The following NAF1 variants were observed in gnomAD, a reference collection of about 807,000 sequenced individuals.
NAF1 encodes H/ACA ribonucleoprotein complex non-core subunit NAF1.
In NAF1, 11 loss-of-function variants were observed where a neutral mutation model predicts 40.6. The observed-to-expected ratio is 0.27, with a 90% CI of 0.17 to 0.45. The LOEUF is 0.45. NAF1 is among the 20% of genes least tolerant of loss of function. The pLI, the probability that NAF1 is intolerant of heterozygous loss-of-function variation, is 1.00. For synonymous variants in NAF1, 260 were observed against 228.5 expected (o/e 1.14, Z -1.24); for missense variants, 607 against 611.1 (o/e 0.99, Z 0.07).
downstream of NAF1, among the ~76,000 whole-genome samples, chr4:163,125,710 A>C (rs1560781400): frequency 6.6e-6 from 1 of 152,242 alleles, no homozygotes; most frequent in Admixed American, 6.5e-5. Context: ...ACTAAACACT[A>C]AACAACAGAT....
intron 2 of NAF1, among the ~76,000 whole-genome samples, chr4:163,153,319 T>C (rs919538019): frequency 1.3e-5 from 2 of 152,140 alleles, no homozygotes; most frequent in Non-Finnish European, 2.9e-5. Flanking sequence ...GGCTCCTGAG[T>C]CTGGTGGGGA....
At chr4:163,110,528 T>A (rs1442085489) in intron 2 of NAF1, among the ~76,000 whole-genome samples, 3 of 152,094 alleles carry the variant, frequency 2.0e-5, no homozygotes, top group Admixed American at 6.6e-5. Flanking sequence ...TTGGAACATA[T>A]CCCCCAAGGC....
intron 6 of NAF1, among the ~76,000 whole-genome samples, chr4:163,133,916 T>C (rs1045806403): frequency 1.9e-4 from 29 of 152,162 alleles, no homozygotes; most frequent in African/African-American, 7.0e-4. Context: ...TAGCTGGGAT[T>C]ACAGGCGCAC....
Position 163,129,135 on chromosome 4 carries a change from T to C in NAF1, c.1247A>G (p.Asn416Ser). The C allele has an allele frequency of 5.6e-6, 9 of 1,613,912 alleles. No individual in the cohort carries two copies. The highest frequency in any genetic ancestry group is 7.6e-6 in the Non-Finnish European group (9 of 1,179,850). ...AAAGGGGTATTGTGGCATAATGGGATTATTTTGTCTCTGAGAAGGAAATCC... is the reference window on the plus strand; with the variant it reads ...AAAGGGGTATTGTGGCATAATGGGACTATTTTGTCTCTGAGAAGGAAATCC... ...TSGFPSQRQN[N>S]PIMPQYPFPL... Residue 416 changes from asparagine (N) to serine (S), a missense_variant, in exon 8 of 8, where the codon AAT becomes AGT. Asn to Ser is a conservative substitution (Grantham distance 46, BLOSUM62 1). Coordinates refer to ENST00000274054, the MANE Select transcript of NAF1 (RefSeq NM_138386.3).
At chr4:163,147,865 C>T (rs1731535352) in intron 3 of NAF1, among the ~76,000 whole-genome samples, 1 of 152,034 alleles carries the variant, frequency 6.6e-6, no homozygotes. Flanking sequence ...TACTGGCCTT[C>T]AGGATGAAGA....
rs1423224107 is a variant in NAF1, at chr4:163,145,967, A to G, written c.635-103T>C. On this transcript the variant is annotated intron_variant, in intron 3 of 7. Transcript: ENST00000274054. ...CCAACATAATTTAAAAAAAAATTGA[A>G]GGTGGGATTATTACCTCATTAACCA... is the stretch of plus-strand genomic sequence containing the variant. 4.7e-6 allele frequency: 3 copies of G among 641,576 alleles called. No homozygotes were observed. In the African/African-American group the frequency reaches 5.7e-5, roughly 12 times the overall value. 39.7% of individuals were successfully genotyped at this position (641,576 alleles called of 1,614,324 possible). A position where few individuals can be genotyped will look rare whatever the true frequency, so the allele number is the denominator to read the frequency against.
chr4:163,148,136 G>A (rs1023297613), intron 3 of NAF1, among the ~76,000 whole-genome samples: 9 of 152,050 alleles, frequency 5.9e-5, no homozygotes, highest in African/African-American at 1.7e-4. Context: ...GTCAGTAAAA[G>A]CAGACATTTA....
downstream of NAF1, among the ~76,000 whole-genome samples, chr4:163,125,754 G>C (rs760043397): frequency 4.6e-5 from 7 of 152,222 alleles, no homozygotes; most frequent in Non-Finnish European, 7.3e-5. Flanking sequence ...TATATTCAAA[G>C]AAGATGCCAT....
At chr4:163,110,413 G>A (rs558672881) in intron 2 of NAF1, 75 of 615,064 alleles carry the variant, frequency 1.2e-4, no homozygotes, top group African/African-American at 1.2e-3. Flanking sequence ...ATCTCTTACT[G>A]TGCCTATTTC....
At chr4:163,166,321 C>CAAG in intron 1 of NAF1, 42 bp downstream of exon 1, 3 of 1,531,232 alleles carry the variant, frequency 2.0e-6, no homozygotes, top group Non-Finnish European at 2.6e-6. Context: ...GCCCGTCATA[C>CAAG]AAGACCTCTC....
At chr4:163,164,862 T>G (rs1732387563) in intron 1 of NAF1, among the ~76,000 whole-genome samples, 1 of 152,238 alleles carries the variant, frequency 6.6e-6, no homozygotes, top group African/African-American at 2.4e-5. Context: ...CGAAAGTATG[T>G]AGACCATTCT....
intron 2 of NAF1, among the ~76,000 whole-genome samples, chr4:163,111,391 A>G (rs552897701): frequency 2.5e-4 from 38 of 152,314 alleles, no homozygotes; most frequent in Admixed American, 5.2e-4. Context: ...AGTAAAAGTA[A>G]TATACAATCC....
chr4:163,123,307 C>A (rs1299454253), downstream of NAF1, among the ~76,000 whole-genome samples: 1 of 152,210 alleles, frequency 6.6e-6, no homozygotes, highest in East Asian at 1.9e-4. Context: ...CATCCCATGA[C>A]CGAAACACCT....
intron 3 of NAF1, among the ~76,000 whole-genome samples, chr4:163,147,701 A>T (rs1173280435): frequency 6.6e-6 from 1 of 152,210 alleles, no homozygotes; most frequent in East Asian, 1.9e-4. Context: ...GCCTTTGCAG[A>T]TGTGATTAAA....
At chr4:163,117,324 C>T (rs1730368585) in intron 2 of NAF1, 1 of 152,068 alleles carries the variant, frequency 6.6e-6, no homozygotes, top group Admixed American at 6.5e-5. Flanking sequence ...TCTAATATTG[C>T]ACTTAGGATT....
At chr4:163,144,914 G>C (rs1182616053) in intron 4 of NAF1, among the ~76,000 whole-genome samples, 1 of 151,978 alleles carries the variant, frequency 6.6e-6, no homozygotes, top group Non-Finnish European at 1.5e-5. Flanking sequence ...TCTAAGTTAG[G>C]TACTAAGAAA....
intron 2 of NAF1, among the ~76,000 whole-genome samples, chr4:163,152,454 C>T (rs189126738): frequency 7.9e-5 from 12 of 152,202 alleles, no homozygotes; most frequent in African/African-American, 2.7e-4. Context: ...CAGGGTCTCA[C>T]AATTTTGGTC....
intron 2 of NAF1, among the ~76,000 whole-genome samples, chr4:163,114,141 T>A (rs1357576512): frequency 6.6e-6 from 1 of 152,174 alleles, no homozygotes; most frequent in Non-Finnish European, 1.5e-5. Flanking sequence ...TGTGGGTATG[T>A]AGGAGCATGA....
At chr4:163,141,890 G>A (rs896785768) in intron 4 of NAF1, 6 of 946,406 alleles carry the variant, frequency 6.3e-6, no homozygotes, top group African/African-American at 5.3e-5. Context: ...GTACAGCACT[G>A]AATCTTTCAT....
Sources: allele counts gnomAD v4.1 joint callset (sites outside exome capture counted in the v4.1 genomes callset), GRCh38; gene constraint gnomAD v4.1.1; transcripts MANE v1.5; gene names NCBI Gene and HGNC (gene_info 2026-07-23, HGNC 2026-07-21).